The following POU6F2 variants were observed in gnomAD, a reference collection of about 807,000 sequenced individuals.
POU6F2 encodes the protein POU class 6 homeobox 2.
A neutral mutation model predicts 71.3 loss-of-function variants in POU6F2; 31 were observed. That is an observed-to-expected ratio of 0.43 (90% CI 0.33 to 0.59). The LOEUF is 0.59. Among genes scored for constraint, POU6F2 ranks in the 20% least tolerant of loss-of-function variants. The pLI is 0.04. For synonymous variants in POU6F2, 347 were observed against 355.7 expected, an observed-to-expected ratio of 0.98 and a Z score of 0.27; for missense variants, 783 against 856.8, an observed-to-expected ratio of 0.91 and a Z score of 1.07.
intron 4 of POU6F2, among the ~76,000 whole-genome samples, chr7:39,312,071 G>A (rs1389576907): frequency 6.6e-6 from 1 of 151,936 alleles, no homozygotes; most frequent in Non-Finnish European, 1.5e-5. Context: ...TAGAAGAAAA[G>A]GAATTGCAGA....
chr7:39,423,804 C>CAT (rs1362990000), intron 6 of POU6F2, among the ~76,000 whole-genome samples: 1 of 152,254 alleles, frequency 6.6e-6, no homozygotes, highest in East Asian at 1.9e-4. Context: ...AACAGAATTA[C>CAT]ATATAGTGCT....
chr7:39,110,482 A>G (rs966151978), intron 2 of POU6F2, among the ~76,000 whole-genome samples: 5 of 152,020 alleles, frequency 3.3e-5, no homozygotes, highest in African/African-American at 1.2e-4. Context: ...TCCCATTCCT[A>G]CATTAAATTA....
intron 2 of POU6F2, among the ~76,000 whole-genome samples, chr7:39,181,882 T>C (rs192912617): frequency 1.8e-4 from 27 of 152,330 alleles, no homozygotes; most frequent in Admixed American, 1.3e-3. Context: ...AACCAACTTA[T>C]CATGTGAGCT....
At chr7:39,088,607 T>A (rs559322656) in intron 2 of POU6F2, among the ~76,000 whole-genome samples, 6 of 152,332 alleles carry the variant, frequency 3.9e-5, no homozygotes, top group African/African-American at 1.4e-4. Flanking sequence ...TTTCTCAAAC[T>A]GTCATTCTTC....
At chr7:39,439,002 T>A (rs1788320618) in intron 7 of POU6F2, among the ~76,000 whole-genome samples, 1 of 152,232 alleles carries the variant, frequency 6.6e-6, no homozygotes, top group East Asian at 1.9e-4. Flanking sequence ...AGTCTCTTTG[T>A]AGGTCTCTAA....
At chr7:39,432,058 T>G (rs150020932) in intron 6 of POU6F2, among the ~76,000 whole-genome samples, 1 of 152,222 alleles carries the variant, frequency 6.6e-6, no homozygotes, top group South Asian at 2.1e-4. Flanking sequence ...TTTTACAGAT[T>G]ACATCTGTCA....
At chr7:39,329,795 C>A (rs547698000) in intron 4 of POU6F2, among the ~76,000 whole-genome samples, 1 of 152,278 alleles carries the variant, frequency 6.6e-6, no homozygotes, top group East Asian at 1.9e-4. Context: ...AAATCATTTG[C>A]ACTCAAATCC....
Position 39,464,344 on chromosome 7 carries a change from T to C in POU6F2, c.1821T>C (p.Leu607=), listed in dbSNP as rs1435310153. 6.2e-7 allele frequency: 1 copy of C among 1,613,998 alleles called. No individual in the cohort carries two copies. The highest frequency in any genetic ancestry group is 1.1e-5 in the South Asian group (1 of 91,076). ...GTGCCCAGAAGATCAAGCCGGTGCTTGAGCGGTGGATGGCTGAGGCTGAGG... is the reference window on the plus strand; with the variant it reads ...GTGCCCAGAAGATCAAGCCGGTGCTCGAGCGGTGGATGGCTGAGGCTGAGG... ...PKSAQKIKPV[L]ERWMAEAEAR... is the part of the protein sequence containing the mutation. Residue 607 remains leucine (L), a synonymous_variant, in exon 10 of 10, where the codon CTT becomes CTC. Coordinates refer to ENST00000518318, the MANE Select transcript of POU6F2 (RefSeq NM_001370959.1). This position sits in a 1 kb window ranked among gnomAD's most constrained non-coding sequence, Gnocchi z 4.1.
At chr7:39,022,113 T>A (rs1789690835) in intron 1 of POU6F2, among the ~76,000 whole-genome samples, 1 of 152,068 alleles carries the variant, frequency 6.6e-6, no homozygotes, top group Non-Finnish European at 1.5e-5. Context: ...TCTTTTATTA[T>A]ATCTCTGATT....
intron 2 of POU6F2, among the ~76,000 whole-genome samples, chr7:39,089,048 A>G (rs548125851): frequency 1.3e-5 from 2 of 152,328 alleles, no homozygotes; most frequent in African/African-American, 4.8e-5. Flanking sequence ...AGCAGCTCAG[A>G]ATACCAGAAG....
chr7:39,170,974 C>T (rs1162602472), intron 2 of POU6F2, among the ~76,000 whole-genome samples: 2 of 142,956 alleles, frequency 1.4e-5, no homozygotes, highest in African/African-American at 5.1e-5. Context: ...AAATAAATAA[C>T]AATTTTTAAA....
chr7:39,164,264 C>A (rs2128737332), intron 2 of POU6F2, among the ~76,000 whole-genome samples: 1 of 150,558 alleles, frequency 6.6e-6, no homozygotes, highest in Non-Finnish European at 1.5e-5. Flanking sequence ...GCAGTTAAAC[C>A]ATCGATTTTT....
chr7:39,126,939 A>G (rs982113846), intron 2 of POU6F2, among the ~76,000 whole-genome samples: 2 of 152,252 alleles, frequency 1.3e-5, no homozygotes, highest in Non-Finnish European at 2.9e-5. Flanking sequence ...ATCACAGCCC[A>G]GTAGAAATTA....
intron 2 of POU6F2, among the ~76,000 whole-genome samples, chr7:39,192,326 T>C (rs1288865941): frequency 1.3e-5 from 2 of 152,252 alleles, no homozygotes; most frequent in African/African-American, 4.8e-5. Flanking sequence ...GTTTTATTTC[T>C]GCTTTAAGGG....
intron 4 of POU6F2, among the ~76,000 whole-genome samples, chr7:39,310,062 C>A (rs1785131439): frequency 6.6e-6 from 1 of 152,078 alleles, no homozygotes; most frequent in Non-Finnish European, 1.5e-5. Flanking sequence ...TGCCGTAACC[C>A]CGCAAGAAGG....
At chr7:39,214,664 G>A (rs948054774) in intron 4 of POU6F2, among the ~76,000 whole-genome samples, 4 of 152,236 alleles carry the variant, frequency 2.6e-5, no homozygotes, top group African/African-American at 9.6e-5. Flanking sequence ...AAAGTGCCTA[G>A]CTTACTTGTA....
intron 4 of POU6F2, among the ~76,000 whole-genome samples, chr7:39,308,731 G>T (rs1785098083): frequency 6.6e-6 from 1 of 152,170 alleles, no homozygotes; most frequent in South Asian, 2.1e-4. Context: ...GCCAAAAAAG[G>T]TGTATTCTGC....
chr7:39,250,847 T>A (rs1264335162), intron 4 of POU6F2, among the ~76,000 whole-genome samples: 1 of 152,184 alleles, frequency 6.6e-6, no homozygotes, highest in Non-Finnish European at 1.5e-5. Context: ...CCAGATAGAG[T>A]CAACCAACAT....
At chr7:39,166,401 C>T (rs1216412454) in intron 2 of POU6F2, among the ~76,000 whole-genome samples, 1 of 152,218 alleles carries the variant, frequency 6.6e-6, no homozygotes, top group East Asian at 1.9e-4. Flanking sequence ...CCTCTAGTAT[C>T]TCCCAACCTT....
Sources: gnomAD v4.1 joint callset for allele counts (sites outside exome capture counted in the v4.1 genomes callset) on GRCh38, gnomAD v4.1.1 for gene constraint, Gnocchi (gnomAD v3.1) non-coding constraint, MANE v1.5 for transcripts, NCBI Gene and HGNC (gene_info 2026-07-23, HGNC 2026-07-21) for gene names.